The following PDE8B variants were observed in gnomAD, a reference collection of about 807,000 sequenced individuals.
The protein encoded by PDE8B is phosphodiesterase 8B.
Under a neutral mutation model 101.3 loss-of-function variants are expected in PDE8B, and 26 were observed. That is an observed-to-expected ratio of 0.26 (90% CI 0.19 to 0.36). The LOEUF (loss-of-function observed/expected upper bound fraction) is 0.36. PDE8B is among the 10% of genes least tolerant of loss of function. The pLI is 1.00. For synonymous variants in PDE8B, 424 were observed against 429.3 expected (o/e 0.99, Z 0.15); for missense variants, 810 against 1,163.1 (o/e 0.70, Z 4.42).
intron 6 of PDE8B, among the ~76,000 whole-genome samples, chr5:77,343,192 G>T (rs1358071712): frequency 6.6e-6 from 1 of 152,102 alleles, no homozygotes; most frequent in Non-Finnish European, 1.5e-5. Flanking sequence ...TTCCCTCAAA[G>T]CATATTATTA....
chr5:77,133,100 C>G, the PDE8B span, among the ~76,000 whole-genome samples: 1 of 152,216 alleles, frequency 6.6e-6, no homozygotes, highest in Non-Finnish European at 1.5e-5. Flanking sequence ...AAAATATTCA[C>G]TTTTCTCCCT....
chr5:77,107,404 A>G, the PDE8B span, among the ~76,000 whole-genome samples: 1 of 152,210 alleles, frequency 6.6e-6, no homozygotes. Flanking sequence ...TTTTCATTCT[A>G]GTAGCTTTTT....
intron 11 of PDE8B, among the ~76,000 whole-genome samples, chr5:77,402,986 G>A (rs879826797): frequency 1.1e-4 from 16 of 152,110 alleles, no homozygotes; most frequent in African/African-American, 3.9e-4. Context: ...TCTGAGAAGC[G>A]CATTCTTCCT....
At chr5:77,310,116 A>AT (rs1365248097) in intron 1 of PDE8B, among the ~76,000 whole-genome samples, 5 of 151,152 alleles carry the variant, frequency 3.3e-5, no homozygotes, top group Non-Finnish European at 5.9e-5. Context: ...TGCCCAGCTA[A>AT]TTTTTTGTAT....
intron 2 of PDE8B, among the ~76,000 whole-genome samples, chr5:77,318,055 C>CAAAAAAAAA (rs55952764): frequency 6.8e-4 from 39 of 57,156 alleles, no homozygotes; most frequent in African/African-American, 2.3e-3. Flanking sequence ...GACTCCATCT[C>CAAAAAAAAA]AAAAAAAAAA....
At chr5:77,314,152 T>A (rs1208285774) in intron 2 of PDE8B, among the ~76,000 whole-genome samples, 5 of 152,184 alleles carry the variant, frequency 3.3e-5, no homozygotes, top group African/African-American at 1.2e-4. Context: ...AAAAATACTC[T>A]TCTCCATTGA....
chr5:77,362,661 A>G (rs549411041), intron 10 of PDE8B, among the ~76,000 whole-genome samples: 2 of 152,288 alleles, frequency 1.3e-5, no homozygotes, highest in South Asian at 4.2e-4. Context: ...ATCATCAGGC[A>G]TCTTTGAGGA....
chr5:77,407,358 C>T lies in PDE8B; in HGVS notation c.1289-23C>T, dbSNP rs201486852. 969 of 1,607,952 alleles carry T rather than the reference C, an allele frequency of 6.0e-4. 2 individuals are homozygous for T. Among genetic ancestry groups the T allele is most frequent in the Non-Finnish European group, 7.8e-4 (916 of 1,174,420 alleles). ...CACACTGAGCCACCGGAACTGGACACAGCTTTCTTGCCTTCTCTCCAGCAC... is the reference window on the plus strand; with the variant it reads ...CACACTGAGCCACCGGAACTGGACATAGCTTTCTTGCCTTCTCTCCAGCAC... On this transcript the variant is annotated intron_variant, in intron 12 of 21. Coordinates refer to ENST00000264917, the MANE Select transcript of PDE8B (RefSeq NM_003719.5).
chr5:77,209,864 T>G (rs1290018129), upstream of PDE8B, among the ~76,000 whole-genome samples: 4 of 152,162 alleles, frequency 2.6e-5, no homozygotes, highest in African/African-American at 9.7e-5. Context: ...TAGGGGAACG[T>G]ATGTGTTCAA....
chr5:77,426,249 G>T (rs1196848101), intron 21 of PDE8B, 196 bp from the exon 22 acceptor site: 5 of 623,950 alleles, frequency 8.0e-6, no homozygotes, highest in Non-Finnish European at 1.4e-5. Flanking sequence ...TTCTGATAAT[G>T]TCACTGATAA....
chr5:77,412,325 G>A, intron 16 of PDE8B, 90 bp downstream of exon 16: 1 of 1,366,394 alleles, frequency 7.3e-7, no homozygotes, highest in Non-Finnish European at 1.0e-6. Flanking sequence ...ACATGTTTTT[G>A]CTGTGAGAGA....
intron 1 of PDE8B, among the ~76,000 whole-genome samples, chr5:77,297,378 G>T (rs1342908538): frequency 2.0e-5 from 3 of 152,028 alleles, no homozygotes; most frequent in Admixed American, 2.0e-4. Context: ...AACACCAGTA[G>T]TTCCCAAACT....
At chr5:77,187,774 C>G in the PDE8B span, among the ~76,000 whole-genome samples, 23 of 152,194 alleles carry the variant, frequency 1.5e-4, no homozygotes, top group Non-Finnish European at 1.9e-4. Context: ...AATTTTTAAA[C>G]TTTTCCCTAG....
At chr5:77,203,311 T>C in the PDE8B span, among the ~76,000 whole-genome samples, 1 of 152,234 alleles carries the variant, frequency 6.6e-6, no homozygotes, top group African/African-American at 2.4e-5. Context: ...CCCGGATAAT[T>C]TCCACCCACA....
At chr5:77,398,927 A>C (rs1791662047) in intron 10 of PDE8B, among the ~76,000 whole-genome samples, 1 of 152,078 alleles carries the variant, frequency 6.6e-6, no homozygotes, top group South Asian at 2.1e-4. Context: ...GTGCACACCT[A>C]CCCCAAAGTC....
At chr5:77,411,836 A>G (rs1046967792) in intron 15 of PDE8B, 115 bp downstream of exon 15, 1 of 858,528 alleles carries the variant, frequency 1.2e-6, no homozygotes, top group Admixed American at 1.9e-5. Context: ...TTTGAGTTTA[A>G]GCATCAATAT....
chr5:77,169,213 C>A, the PDE8B span, among the ~76,000 whole-genome samples: 1 of 152,174 alleles, frequency 6.6e-6, no homozygotes, highest in East Asian at 1.9e-4. Context: ...TCCCGTAGCA[C>A]CAACACAGTC....
intron 1 of PDE8B, among the ~76,000 whole-genome samples, chr5:77,243,127 A>G (rs1362325871): frequency 2.6e-5 from 4 of 152,134 alleles, no homozygotes; most frequent in Non-Finnish European, 2.9e-5. Context: ...TGATGGGAAA[A>G]GTTTATGGTG....
intron 7 of PDE8B, among the ~76,000 whole-genome samples, chr5:77,346,009 G>T (rs897760202): frequency 4.0e-4 from 61 of 152,216 alleles, no homozygotes; most frequent in African/African-American, 1.4e-3. Flanking sequence ...ATTCAATAAG[G>T]GTAGGCAAGA....
Sources: gnomAD v4.1 joint callset for allele counts (sites outside exome capture counted in the v4.1 genomes callset) on GRCh38, gnomAD v4.1.1 for gene constraint, MANE v1.5 for transcripts, NCBI Gene and HGNC (gene_info 2026-07-23, HGNC 2026-07-21) for gene names.